Variants in CERS6 observed in about 807,000 individuals in gnomAD.
The protein encoded by CERS6 is ceramide synthase 6.
A neutral mutation model predicts 56.8 loss-of-function variants in CERS6; 26 were observed. The ratio of observed to expected loss-of-function variants is 0.46; its 90% CI spans 0.34 to 0.63. CERS6 has a LOEUF of 0.63. CERS6 is among the 30% of genes least tolerant of loss of function. The pLI is 0.01. For missense variants in CERS6, 415 were observed against 467.5 expected (o/e 0.89, Z 1.04); for synonymous variants, 164 against 173.3 (o/e 0.95, Z 0.42).
At chr2:168,712,382 G>A (rs1574182519) in intron 6 of CERS6, among the ~76,000 whole-genome samples, 1 of 152,170 alleles carries the variant, frequency 6.6e-6, no homozygotes. Context: ...GAAGACATCT[G>A]TAAGAATAAA....
intron 8 of CERS6, among the ~76,000 whole-genome samples, chr2:168,719,582 C>T (rs1470569694): frequency 6.6e-6 from 1 of 152,202 alleles, no homozygotes; most frequent in East Asian, 1.9e-4. Flanking sequence ...TTTGGATTCA[C>T]CAACAATACC....
At position 168,575,408 on chromosome 2, in the gene CERS6, G is replaced by C. The variant is rs535133451; in HGVS notation, c.407+14086G>C. Among the ~76,000 whole-genome samples, 7 of 152,118 alleles carry C rather than the reference G, an allele frequency of 4.6e-5. No homozygotes were observed. The East Asian group carries it at 5.8e-4, about 13-fold the overall frequency. Reference sequence around the variant, plus strand: ...GCAGGCACGTCTTACATGGTGGAAGGGGAGAGTGAGAGTGAGGAAGTGCCA... The same window carrying C: ...GCAGGCACGTCTTACATGGTGGAAGCGGAGAGTGAGAGTGAGGAAGTGCCA... On this transcript the variant is annotated intron_variant, in intron 3 of 9. Transcript: ENST00000305747.
chr2:168,469,106 C>A (rs1693933358), intron 1 of CERS6, among the ~76,000 whole-genome samples: 1 of 152,058 alleles, frequency 6.6e-6, no homozygotes, highest in African/African-American at 2.4e-5. Flanking sequence ...TGGAAACATT[C>A]AAAATTAGCT....
chr2:168,695,228 T>C (rs1449368451), intron 6 of CERS6, among the ~76,000 whole-genome samples, 177 bp downstream of exon 6: 1 of 152,164 alleles, frequency 6.6e-6, no homozygotes, highest in African/African-American at 2.4e-5. Context: ...TTATATTTTT[T>C]TCTATTGTTT....
intron 8 of CERS6, among the ~76,000 whole-genome samples, chr2:168,744,331 A>G (rs1024600944): frequency 2.0e-5 from 3 of 151,806 alleles, no homozygotes; most frequent in Admixed American, 6.6e-5. Flanking sequence ...GTTAGGAATC[A>G]TTCTTTATAT....
At chr2:168,492,453 T>C (rs1193880046) in intron 1 of CERS6, among the ~76,000 whole-genome samples, 1 of 152,234 alleles carries the variant, frequency 6.6e-6, no homozygotes, top group African/African-American at 2.4e-5. Context: ...TTGCCCACTT[T>C]TTGATGGGGT....
intron 4 of CERS6, among the ~76,000 whole-genome samples, chr2:168,668,653 C>T (rs766611488): frequency 1.3e-5 from 2 of 151,996 alleles, no homozygotes; most frequent in South Asian, 2.1e-4. Flanking sequence ...GGGGTTTCAC[C>T]GTGTTGGCTA....
chr2:168,605,968 C>A (rs769687594), intron 3 of CERS6, among the ~76,000 whole-genome samples: 1 of 152,210 alleles, frequency 6.6e-6, no homozygotes, highest in Non-Finnish European at 1.5e-5. Flanking sequence ...CACACAGAGT[C>A]CCCACTGGGG....
chr2:168,533,425 A>G (rs1395058441), intron 1 of CERS6, among the ~76,000 whole-genome samples: 1 of 152,214 alleles, frequency 6.6e-6, no homozygotes, highest in Non-Finnish European at 1.5e-5. Context: ...TCCTATTTGA[A>G]TACCTTTTAT....
At chr2:168,739,505 A>G (rs930628214) in intron 8 of CERS6, among the ~76,000 whole-genome samples, 5 of 152,192 alleles carry the variant, frequency 3.3e-5, no homozygotes, top group African/African-American at 4.8e-5. Flanking sequence ...TCACTAAGAA[A>G]GGTAAGCAAG....
intron 3 of CERS6, among the ~76,000 whole-genome samples, chr2:168,616,074 T>A (rs1684309665): frequency 6.6e-6 from 1 of 152,194 alleles, no homozygotes; most frequent in Admixed American, 6.5e-5. Flanking sequence ...TTCAGCTTCC[T>A]CAAACAAAAC....
At chr2:168,588,319 T>G (rs1345519898) in intron 3 of CERS6, among the ~76,000 whole-genome samples, 1 of 152,166 alleles carries the variant, frequency 6.6e-6, no homozygotes, top group East Asian at 1.9e-4. Flanking sequence ...ACATTCACTG[T>G]GTTGTACAAT....
intron 3 of CERS6, among the ~76,000 whole-genome samples, chr2:168,571,751 T>C (rs1406847218): frequency 6.6e-6 from 1 of 152,160 alleles, no homozygotes; most frequent in Non-Finnish European, 1.5e-5. Flanking sequence ...ATGCCACATG[T>C]AATAATCAGA....
At chr2:168,707,070 G>A (rs1279117144) in intron 6 of CERS6, among the ~76,000 whole-genome samples, 1 of 152,202 alleles carries the variant, frequency 6.6e-6, no homozygotes, top group East Asian at 1.9e-4. Context: ...CATATTTGAT[G>A]AACAGTGGGG....
At chr2:168,728,440 A>AGT (rs377709938) in intron 8 of CERS6, among the ~76,000 whole-genome samples, 62 of 128,772 alleles carry the variant, frequency 4.8e-4, no homozygotes, top group African/African-American at 1.8e-3. Flanking sequence ...CCCAAGCTGG[A>AGT]GTGCAATGGC....
intron 4 of CERS6, among the ~76,000 whole-genome samples, chr2:168,662,591 C>G (rs1192863394): frequency 6.6e-6 from 1 of 152,098 alleles, no homozygotes; most frequent in African/African-American, 2.4e-5. Flanking sequence ...ATTAGCTGGG[C>G]GTGGTGGCGG....
In CERS6 at chr2:168,546,387, G is replaced by C. The variant is rs1455464823; in HGVS notation, c.171-1209G>C. Among the ~76,000 whole-genome samples, 4 of 152,148 alleles carry C rather than the reference G, an allele frequency of 2.6e-5. No individual in the cohort carries two copies. In the East Asian group the frequency reaches 7.7e-4, roughly 29 times the overall value. ...TGTCCCAGAGAGCCCAGTGTACCAG[G>C]TATTACGGTGCATTTTCTCTGTCTT... On this transcript the variant is annotated intron_variant, in intron 1 of 9. Transcript: ENST00000305747.
At chr2:168,474,961 G>T (rs1694043131) in intron 1 of CERS6, among the ~76,000 whole-genome samples, 1 of 152,142 alleles carries the variant, frequency 6.6e-6, no homozygotes, top group Non-Finnish European at 1.5e-5. Context: ...TCTGATGGTA[G>T]AAACATTTTC....
chr2:168,465,627 G>T (rs1196894742), intron 1 of CERS6, among the ~76,000 whole-genome samples: 1 of 152,184 alleles, frequency 6.6e-6, no homozygotes, highest in African/African-American at 2.4e-5. Context: ...AAATAAGACA[G>T]TCACAAAAAG....
Sources: allele counts gnomAD v4.1 joint callset (sites outside exome capture counted in the v4.1 genomes callset), GRCh38; gene constraint gnomAD v4.1.1; transcripts MANE v1.5; gene names NCBI Gene and HGNC (gene_info 2026-07-23, HGNC 2026-07-21).